The following HMGN5 variants were observed in gnomAD, a reference collection of about 807,000 sequenced individuals.
HMGN5 encodes the protein high mobility group nucleosome binding domain 5.
HMGN5 carries 4 observed loss-of-function variants against 9.5 expected under a neutral mutation model. The observed-to-expected ratio is 0.42, with a 90% CI of 0.21 to 0.96. HMGN5 has a LOEUF of 0.96. Ranked by LOEUF, HMGN5 falls within the 40% of genes least tolerant of loss-of-function variation. HMGN5 has a pLI of 0.30. For synonymous variants in HMGN5, 55 were observed against 57.1 expected, an observed-to-expected ratio of 0.96 and a Z score of 0.16; for missense variants, 192 against 187.5, an observed-to-expected ratio of 1.02 and a Z score of -0.14.
chrX:81,186,288 T>C (rs2075477242), intron 1 of HMGN5, among the ~76,000 whole-genome samples: 2 of 111,975 alleles, frequency 1.8e-5, no homozygotes, highest in South Asian at 7.3e-4. Flanking sequence ...TCAATCTCAT[T>C]AGTTGTTACT....
chrX:81,151,625 G>C (rs1020602783), intron 1 of HMGN5, among the ~76,000 whole-genome samples: 1 of 111,313 alleles, frequency 9.0e-6, no homozygotes, highest in Non-Finnish European at 1.9e-5. Flanking sequence ...TTATTTCATT[G>C]AGCAGTGGTT....
chrX:81,160,106 G>A (rs1301905531), intron 1 of HMGN5, among the ~76,000 whole-genome samples: 1 of 111,654 alleles, frequency 9.0e-6, no homozygotes, highest in Non-Finnish European at 1.9e-5. Context: ...AGCCCATTCA[G>A]AATTGTATTT....
At chrX:81,138,620 G>A (rs1430204281) in intron 1 of HMGN5, among the ~76,000 whole-genome samples, 4 of 111,359 alleles carry the variant, frequency 3.6e-5, no homozygotes, top group South Asian at 3.7e-4. Context: ...AACACTGTGC[G>A]GGAAGTTTTA....
At chrX:81,156,090 A>T (rs954983705) in intron 1 of HMGN5, among the ~76,000 whole-genome samples, 4 of 111,884 alleles carry the variant, frequency 3.6e-5, no homozygotes, top group African/African-American at 1.3e-4. Context: ...CAAAAATTTC[A>T]ATTAAAAAAA....
intron 1 of HMGN5, among the ~76,000 whole-genome samples, chrX:81,150,039 G>C (rs1024040771): frequency 9.8e-5 from 11 of 111,779 alleles, no homozygotes; most frequent in Non-Finnish European, 1.7e-4. Context: ...GACTTAATCT[G>C]CACTATATAG....
chrX:81,144,508 A>G (rs1235372987), intron 1 of HMGN5, among the ~76,000 whole-genome samples: 1 of 112,269 alleles, frequency 8.9e-6, no homozygotes, highest in Non-Finnish European at 1.9e-5. Context: ...ACCAACATCA[A>G]AGACCAAAGG....
intron 6 of HMGN5, among the ~76,000 whole-genome samples, chrX:81,115,891 A>G (rs1426899661): frequency 8.9e-6 from 1 of 112,053 alleles, no homozygotes; most frequent in Non-Finnish European, 1.9e-5. Flanking sequence ...GGGATTTACA[A>G]ATAGCCTGTG....
At chrX:81,174,884 A>C (rs1305396280) in intron 1 of HMGN5, among the ~76,000 whole-genome samples, 1 of 111,392 alleles carries the variant, frequency 9.0e-6, no homozygotes, top group African/African-American at 3.3e-5. Flanking sequence ...ATATGACTCC[A>C]TTCCAAAAAC....
chrX:81,189,091 G>T (rs891531563), intron 1 of HMGN5, among the ~76,000 whole-genome samples: 8 of 111,628 alleles, frequency 7.2e-5, no homozygotes, highest in African/African-American at 2.6e-4. Context: ...GTTTGTCTGG[G>T]AAAGTCTTTA....
chrX:81,155,685 T>A (rs187951011), intron 1 of HMGN5, among the ~76,000 whole-genome samples: 202 of 111,844 alleles, frequency 1.8e-3, no homozygotes, highest in Non-Finnish European at 2.9e-3. Flanking sequence ...GAATCCTTTT[T>A]AAAACATTCT....
intron 1 of HMGN5, among the ~76,000 whole-genome samples, chrX:81,139,932 C>T (rs1157843643): frequency 8.9e-6 from 1 of 112,016 alleles, no homozygotes; most frequent in Non-Finnish European, 1.9e-5. Context: ...AGGATTGCAA[C>T]TCTTAGGCAA....
chrX:81,186,186 G>A (rs1251416843), intron 1 of HMGN5, among the ~76,000 whole-genome samples: 1 of 111,616 alleles, frequency 9.0e-6, no homozygotes, highest in East Asian at 2.8e-4. Flanking sequence ...GAGTAGGTTG[G>A]TATTAATTCT....
At chrX:81,129,922 CATT>C (rs758230097) in intron 1 of HMGN5, among the ~76,000 whole-genome samples, 1 of 111,630 alleles carries the variant, frequency 9.0e-6, no homozygotes, top group Non-Finnish European at 1.9e-5. Flanking sequence ...TACGCTGACT[CATT>C]GTCACCTTCT....
At chrX:81,160,702 C>T (rs1393403876) in intron 1 of HMGN5, among the ~76,000 whole-genome samples, 2 of 111,833 alleles carry the variant, frequency 1.8e-5, no homozygotes, top group Non-Finnish European at 3.8e-5. Context: ...GACATGATCT[C>T]ATTCTTTTTT....
chrX:81,178,478 T>A (rs2075449994), intron 1 of HMGN5, among the ~76,000 whole-genome samples: 2 of 111,927 alleles, frequency 1.8e-5, no homozygotes, highest in Non-Finnish European at 1.9e-5. Flanking sequence ...GATAAGTTCC[T>A]GGACACATAC....
intron 1 of HMGN5, among the ~76,000 whole-genome samples, chrX:81,139,250 G>GT (rs2075320869): frequency 8.9e-6 from 1 of 112,542 alleles, no homozygotes; most frequent in Non-Finnish European, 1.9e-5. Flanking sequence ...TCAAAGCAGT[G>GT]TGGTTTGGCA....
chrX:81,159,080 G>T (rs1055538106), intron 1 of HMGN5, among the ~76,000 whole-genome samples: 6 of 111,572 alleles, frequency 5.4e-5, no homozygotes, highest in Non-Finnish European at 1.1e-4. Context: ...CATGTTCTTT[G>T]CTGGGACATG....
At chrX:81,146,807 A>G (rs1280423953) in intron 1 of HMGN5, among the ~76,000 whole-genome samples, 1 of 111,994 alleles carries the variant, frequency 8.9e-6, no homozygotes, top group Non-Finnish European at 1.9e-5. Flanking sequence ...AAAAAATGAT[A>G]AAGGGGATAT....
intron 1 of HMGN5, among the ~76,000 whole-genome samples, chrX:81,146,097 A>G (rs748352034): frequency 9.0e-6 from 1 of 111,249 alleles, no homozygotes; most frequent in Admixed American, 9.6e-5. Context: ...GATCAATGAG[A>G]CAGAAATTAA....
Sources: allele counts gnomAD v4.1 joint callset (sites outside exome capture counted in the v4.1 genomes callset), GRCh38; gene constraint gnomAD v4.1.1; transcripts MANE v1.5; gene names NCBI Gene and HGNC (gene_info 2026-07-23, HGNC 2026-07-21).